Variants in PRH1 observed in about 807,000 individuals in gnomAD.
The protein encoded by PRH1 is proline rich protein HaeIII subfamily 1, also known as salivary acidic proline-rich phosphoprotein 1/2.
A neutral mutation model predicts 7.9 loss-of-function variants in PRH1; 7 were observed. That is an observed-to-expected ratio of 0.89 (90% CI 0.50 to 1.67). The LOEUF (loss-of-function observed/expected upper bound fraction) is 1.67, where lower values mean the gene tolerates loss of function less well. Ranked by LOEUF, PRH1 falls within the 40% of genes most tolerant of loss-of-function variation. PRH1 has a pLI of 0.00. For missense variants in PRH1, 109 were observed against 223.6 expected (o/e 0.49, Z 3.27); for synonymous variants, 45 against 80.8 (o/e 0.56, Z 2.38).
chr12:11,075,262 AT>A (rs139770272), intron 1 of PRH1, among the ~76,000 whole-genome samples: 6,523 of 134,442 alleles, frequency 0.049, 1,054 homozygotes, highest in African/African-American at 0.16. Context: ...TAAAAGCGAA[AT>A]GCCATCTTTG....
At chr12:10,956,977 C>T (rs190787989) in intron 2 of PRH1, among the ~76,000 whole-genome samples, 6 of 151,956 alleles carry the variant, frequency 3.9e-5, no homozygotes, top group East Asian at 1.9e-4. Flanking sequence ...TGTTTAAATG[C>T]CCATACTGCC....
intron 2 of PRH1, among the ~76,000 whole-genome samples, chr12:10,929,717 T>C (rs1950175757): frequency 1.3e-5 from 2 of 152,188 alleles, no homozygotes; most frequent in African/African-American, 4.8e-5. Context: ...TGAGTATCCA[T>C]GAAGGAGATA....
chr12:10,904,714 TG>T (rs1442845692), intron 2 of PRH1, among the ~76,000 whole-genome samples: 1 of 152,070 alleles, frequency 6.6e-6, no homozygotes, highest in Non-Finnish European at 1.5e-5. Context: ...CTGCACACAT[TG>T]TATAAACTAT....
chr12:11,113,312 T>C (rs748325566), intron 1 of PRH1, among the ~76,000 whole-genome samples: 2 of 152,130 alleles, frequency 1.3e-5, no homozygotes, highest in Non-Finnish European at 2.9e-5. Flanking sequence ...GGCTTCAAAG[T>C]ATACTACAAG....
intron 1 of PRH1, among the ~76,000 whole-genome samples, chr12:11,165,669 T>TCCTGAG (rs1947553130): frequency 6.6e-6 from 1 of 152,040 alleles, no homozygotes; most frequent in African/African-American, 2.4e-5. Context: ...CTGAGATAAA[T>TCCTGAG]ATTACCCCTC....
At chr12:10,971,346 T>C (rs889642350) in intron 2 of PRH1, among the ~76,000 whole-genome samples, 4 of 144,804 alleles carry the variant, frequency 2.8e-5, no homozygotes, top group African/African-American at 7.6e-5. Flanking sequence ...TCACTATGGA[T>C]AGATCCTCTT....
intron 2 of PRH1, among the ~76,000 whole-genome samples, chr12:10,892,189 A>T (rs1416102777): frequency 6.6e-6 from 1 of 152,200 alleles, no homozygotes; most frequent in East Asian, 1.9e-4. Context: ...CTCATCAAAC[A>T]TACTGTTTGC....
At chr12:10,960,360 A>C (rs1467426050) in intron 2 of PRH1, among the ~76,000 whole-genome samples, 2 of 152,236 alleles carry the variant, frequency 1.3e-5, no homozygotes, top group East Asian at 3.8e-4. Context: ...CAGTTAACCT[A>C]TCTGGCCTCT....
At chr12:11,108,333 T>C (rs191501372) in intron 1 of PRH1, among the ~76,000 whole-genome samples, 157 of 152,058 alleles carry the variant, frequency 1.0e-3, no homozygotes, top group Non-Finnish European at 1.7e-3. Context: ...ATAGAAAAAC[T>C]AAATGATGAA....
intron 2 of PRH1, among the ~76,000 whole-genome samples, chr12:10,935,618 T>A (rs1325177214): frequency 3.3e-5 from 5 of 152,182 alleles, no homozygotes; most frequent in Non-Finnish European, 7.4e-5. Flanking sequence ...AAGGTTGGGT[T>A]TTATTCAGCT....
At chr12:10,917,059 G>C (rs528525934) in intron 2 of PRH1, among the ~76,000 whole-genome samples, 2 of 152,214 alleles carry the variant, frequency 1.3e-5, no homozygotes, top group Admixed American at 1.3e-4. Context: ...CTGGGTGACA[G>C]TGAGACTCAT....
At chr12:10,910,760 T>C (rs138694697) in intron 2 of PRH1, among the ~76,000 whole-genome samples, 38 of 152,300 alleles carry the variant, frequency 2.5e-4, no homozygotes, top group Middle Eastern at 3.4e-3. Context: ...TAAAACACTT[T>C]ATCTTGATTA....
intron 2 of PRH1, among the ~76,000 whole-genome samples, chr12:10,959,249 T>C (rs1172001997): frequency 6.6e-6 from 1 of 152,038 alleles, no homozygotes; most frequent in Non-Finnish European, 1.5e-5. Context: ...AATCTGACAA[T>C]TGGGGGAAGA....
intron 2 of PRH1, among the ~76,000 whole-genome samples, chr12:10,922,953 C>G (rs1056180123): frequency 2.7e-5 from 4 of 148,580 alleles, no homozygotes; most frequent in Non-Finnish European, 6.0e-5. Context: ...CTCAGCCTCC[C>G]GAGTAGCTGG....
intron 1 of PRH1, chr12:10,986,685 A>G: frequency 6.2e-7 from 1 of 1,612,772 alleles, no homozygotes. Flanking sequence ...TAATGCCCAG[A>G]GCAAACCAAT....
rs1390820224 is a variant in PRH1 at position 11,168,401 on chromosome 12, AAAG to A, written n.39+3018_39+3020del. Among the ~76,000 whole-genome samples the A allele has an allele frequency of 1.2e-4, 3 of 24,024 alleles. 1 individual carries two copies. Among genetic ancestry groups the A allele is most frequent in the Non-Finnish European group, 4.4e-4 (3 of 6,894 alleles). 15.8% of individuals were successfully genotyped at this position (24,024 alleles called of 152,430 possible). A position where few individuals can be genotyped will look rare whatever the true frequency, so the allele number is the denominator to read the frequency against. ...GAAAGAAAGAAAGAAAGAAAGAAAGAAAGAAAGAAAGAAAGAAAGGAAAAGAAA... is the reference window on the plus strand; with the variant it reads ...GAAAGAAAGAAAGAAAGAAAGAAAGAAAAGAAAGAAAGAAAGGAAAAGAAA... On this transcript the variant is annotated intron_variant and non_coding_transcript_variant, in intron 1 of 1. Transcript: ENST00000541175.
chr12:11,145,187 G>GT (rs944174089), intron 1 of PRH1, among the ~76,000 whole-genome samples: 10 of 151,882 alleles, frequency 6.6e-5, no homozygotes, highest in African/African-American at 2.4e-4. Flanking sequence ...TTTTTGTTTT[G>GT]TTTTTTGTTT....
intron 1 of PRH1, among the ~76,000 whole-genome samples, chr12:11,152,419 T>C (rs950379350): frequency 6.6e-6 from 1 of 152,146 alleles, no homozygotes. Context: ...TCTATACTTT[T>C]TAGAAAATTG....
chr12:11,042,508 C>T (rs897962316), intron 1 of PRH1, among the ~76,000 whole-genome samples: 8 of 121,628 alleles, frequency 6.6e-5, no homozygotes, highest in Admixed American at 3.2e-4. Flanking sequence ...AAAAAAAAAG[C>T]CTGGGAGCAG....
Sources: gnomAD v4.1 joint callset for allele counts (sites outside exome capture counted in the v4.1 genomes callset) on GRCh38, gnomAD v4.1.1 for gene constraint, MANE v1.5 for transcripts, NCBI Gene and HGNC (gene_info 2026-07-23, HGNC 2026-07-21) for gene names.